CAP2: variants seen among roughly 807,000 people sequenced by gnomAD.
The protein encoded by CAP2 is adenylyl cyclase-associated protein 2.
A neutral mutation model predicts 57.7 loss-of-function variants in CAP2; 24 were observed. The observed-to-expected ratio is 0.42, with a 90% confidence interval of 0.30 to 0.58. CAP2 has a LOEUF of 0.58. Ranked by LOEUF, CAP2 falls within the 20% of genes least tolerant of loss-of-function variation. CAP2 has a pLI of 0.22. For synonymous variants in CAP2, 194 were observed against 207.2 expected (o/e 0.94, Z 0.55); for missense variants, 501 against 590.3 (o/e 0.85, Z 1.57).
chr6:17,543,095 T>C lies in CAP2; in HGVS notation c.1161T>C (p.Asn387=), dbSNP rs560388450. 2.5e-6 allele frequency: 4 copies of C among 1,614,162 alleles called. No individual in the cohort carries two copies. The East Asian group carries it at 8.9e-5, about 36-fold the overall frequency. ...AAAAACTCGGCCTGGTGTTTGACAA[T>C]GTGGTGGGCATTGTGGAAGTGATCA... ...NCKKLGLVFD[N]VVGIVEVINS... The change falls in exon 11 of 13, where the codon AAT becomes AAC. Residue 387 remains asparagine, a synonymous_variant. Coordinates refer to ENST00000229922, the MANE Select transcript of CAP2 (RefSeq NM_006366.3).
chr6:17,456,583 G>A (rs1438168399), intron 3 of CAP2, among the ~76,000 whole-genome samples: 1 of 152,108 alleles, frequency 6.6e-6, no homozygotes, highest in Non-Finnish European at 1.5e-5. Context: ...GAAAAACAGG[G>A]CATCAGTAGA....
intron 4 of CAP2, among the ~76,000 whole-genome samples, chr6:17,495,354 A>G (rs1040973352): frequency 6.6e-6 from 1 of 152,192 alleles, no homozygotes; most frequent in Non-Finnish European, 1.5e-5. Context: ...AACTCTCTTT[A>G]CCGATAATAG....
chr6:17,402,113 G>A (rs541355530), intron 1 of CAP2, among the ~76,000 whole-genome samples: 1 of 152,090 alleles, frequency 6.6e-6, no homozygotes, highest in African/African-American at 2.4e-5. Context: ...AGAATATAAA[G>A]GTCCAAATCC....
intron 3 of CAP2, among the ~76,000 whole-genome samples, chr6:17,445,960 T>C (rs1165067747): frequency 6.6e-6 from 1 of 152,228 alleles, no homozygotes; most frequent in Non-Finnish European, 1.5e-5. Context: ...TTTGAAAACT[T>C]GTATAGCAGT....
At chr6:17,421,507 T>A (rs1478884578) in intron 1 of CAP2, 48 bp from the exon 2 acceptor site, 3 of 1,610,120 alleles carry the variant, frequency 1.9e-6, no homozygotes, top group African/African-American at 1.3e-5. Context: ...GGTTTACTCA[T>A]CCTCCCTGAT....
At chr6:17,508,717 A>T (rs968856326) in intron 6 of CAP2, among the ~76,000 whole-genome samples, 4 of 151,792 alleles carry the variant, frequency 2.6e-5, no homozygotes, top group African/African-American at 9.7e-5. Context: ...AGGAAATTAA[A>T]GAACCTGCAT....
At chr6:17,539,172 A>T in intron 7 of CAP2, 97 bp from the exon 8 acceptor site, 1 of 1,124,496 alleles carries the variant, frequency 8.9e-7, no homozygotes, top group Non-Finnish European at 1.3e-6. Context: ...CTTCAACCCC[A>T]CTCTCTCATT....
At chr6:17,438,431 G>GTATTTTTTTT (rs1554122609) in intron 3 of CAP2, among the ~76,000 whole-genome samples, 1 of 85,466 alleles carries the variant, frequency 1.2e-5, no homozygotes, top group African/African-American at 6.2e-5. Context: ...CCATCCAGAA[G>GTATTTTTTTT]TGTTTTTTTT....
intron 1 of CAP2, among the ~76,000 whole-genome samples, chr6:17,412,955 C>T (rs2113520390): frequency 6.6e-6 from 1 of 152,230 alleles, no homozygotes; most frequent in Non-Finnish European, 1.5e-5. Flanking sequence ...TGAAAATTAA[C>T]AGTGCTAGGA....
At chr6:17,501,606 G>T (rs1008423976) in intron 4 of CAP2, among the ~76,000 whole-genome samples, 3 of 152,198 alleles carry the variant, frequency 2.0e-5, no homozygotes, top group African/African-American at 7.2e-5. Context: ...AACTCCCAGA[G>T]TTTGTGCCGT....
chr6:17,537,864 C>T (rs1315864980), intron 7 of CAP2, among the ~76,000 whole-genome samples: 2 of 151,924 alleles, frequency 1.3e-5, no homozygotes, highest in South Asian at 2.1e-4. Flanking sequence ...GTCAGGAGTT[C>T]GAGACCAGCC....
intron 3 of CAP2, among the ~76,000 whole-genome samples, chr6:17,455,615 A>C (rs1760540775): frequency 1.3e-5 from 2 of 148,400 alleles, no homozygotes; most frequent in African/African-American, 2.5e-5. Context: ...AGCTCACTGC[A>C]CTCTCCGCCT....
chr6:17,407,237 G>T (rs539035273), intron 1 of CAP2, among the ~76,000 whole-genome samples: 4 of 152,150 alleles, frequency 2.6e-5, no homozygotes, highest in East Asian at 1.9e-4. Context: ...GGGCTCCCAG[G>T]TTCAAAGAGC....
chr6:17,443,594 C>T (rs189075555), intron 3 of CAP2, among the ~76,000 whole-genome samples: 2 of 151,466 alleles, frequency 1.3e-5, no homozygotes, highest in African/African-American at 2.4e-5. Context: ...CACACACACA[C>T]GTGCGCACGT....
intron 7 of CAP2, among the ~76,000 whole-genome samples, chr6:17,528,494 C>G (rs566329456): frequency 6.6e-6 from 1 of 152,258 alleles, no homozygotes; most frequent in South Asian, 2.1e-4. Context: ...CAGATCTTTC[C>G]AGGTCATCAA....
At chr6:17,533,537 G>A (rs966069404) in intron 7 of CAP2, among the ~76,000 whole-genome samples, 3 of 151,660 alleles carry the variant, frequency 2.0e-5, no homozygotes, top group Admixed American at 1.3e-4. Flanking sequence ...CTCTGAATAT[G>A]GGCATTTAAA....
intron 1 of CAP2, among the ~76,000 whole-genome samples, chr6:17,420,489 C>T (rs1460270605): frequency 6.6e-6 from 1 of 152,168 alleles, no homozygotes; most frequent in Non-Finnish European, 1.5e-5. Flanking sequence ...TGCTCAGAGT[C>T]ATAAACTCAG....
intron 3 of CAP2, among the ~76,000 whole-genome samples, chr6:17,445,892 G>A (rs1013558509): frequency 3.9e-5 from 6 of 152,182 alleles, no homozygotes; most frequent in South Asian, 2.1e-4. Context: ...GCTGCAGCTC[G>A]AAAACTATTC....
intron 2 of CAP2, among the ~76,000 whole-genome samples, chr6:17,423,366 G>T (rs532805685): frequency 1.3e-5 from 2 of 152,054 alleles, no homozygotes; most frequent in Non-Finnish European, 1.5e-5. Context: ...GTTTTTTTCC[G>T]CACCAACTGA....
Sources: gnomAD v4.1 joint callset for allele counts (sites outside exome capture counted in the v4.1 genomes callset) on GRCh38, gnomAD v4.1.1 for gene constraint, MANE v1.5 for transcripts, NCBI Gene and HGNC (gene_info 2026-07-23, HGNC 2026-07-21) for gene names.